Variants in GLIS3 observed in about 807,000 individuals in gnomAD.
GLIS3 encodes the protein GLIS family zinc finger 3, also known as zinc finger protein GLIS3.
A neutral mutation model predicts 78.6 loss-of-function variants in GLIS3; 53 were observed. The observed-to-expected ratio is 0.67, with a 90% CI of 0.54 to 0.85. The LOEUF (loss-of-function observed/expected upper bound fraction) is 0.85, where lower values mean the gene tolerates loss of function less well. GLIS3 is among the 40% of genes least tolerant of loss of function. The pLI is 0.00. For missense variants in GLIS3, 1,703 were observed against 1,231.1 expected (o/e 1.38, Z -5.74); for synonymous variants, 684 against 509.9 (o/e 1.34, Z -4.60).
intron 2 of GLIS3, among the ~76,000 whole-genome samples, chr9:4,261,497 T>A (rs1399568188): frequency 6.6e-6 from 1 of 152,036 alleles, no homozygotes; most frequent in African/African-American, 2.4e-5. Flanking sequence ...TATGGTAGAA[T>A]AAAACCAGGC....
chr9:4,276,504 GAGGGGAGGGA>G (rs1441274921), intron 2 of GLIS3, among the ~76,000 whole-genome samples: 3 of 42,546 alleles, frequency 7.1e-5, no homozygotes, highest in Non-Finnish European at 1.4e-4. Context: ...GAGGGAAGGG[GAGGGGAGGGA>G]AGGGAAGGGA....
chr9:4,110,210 C>T (rs1346020361), intron 4 of GLIS3, among the ~76,000 whole-genome samples: 1 of 152,068 alleles, frequency 6.6e-6, no homozygotes, highest in Non-Finnish European at 1.5e-5. Context: ...CTAATTTTTT[C>T]CAGGACAATC....
intron 4 of GLIS3, among the ~76,000 whole-genome samples, chr9:4,040,797 CTGTCAACTG>C (rs1824743910): frequency 6.6e-6 from 1 of 152,160 alleles, no homozygotes; most frequent in South Asian, 2.1e-4. Context: ...TCAAGTGGTG[CTGTCAACTG>C]GGTCAACTGG....
chr9:4,340,423 G>C (rs1439522120), intron 2 of GLIS3, among the ~76,000 whole-genome samples: 1 of 152,176 alleles, frequency 6.6e-6, no homozygotes, highest in African/African-American at 2.4e-5. Context: ...TCAATTCCAG[G>C]ATGAAACATT....
At chr9:4,281,189 G>T (rs1416989654) in intron 2 of GLIS3, among the ~76,000 whole-genome samples, 2 of 152,178 alleles carry the variant, frequency 1.3e-5, no homozygotes, top group Admixed American at 6.5e-5. Context: ...GCACTCTAGT[G>T]TTTCTCAAAT....
the GLIS3 span, among the ~76,000 whole-genome samples, chr9:4,402,006 G>A: frequency 6.6e-6 from 1 of 152,002 alleles, no homozygotes; most frequent in African/African-American, 2.4e-5. Context: ...AAGGTTTTTT[G>A]CTCCAATCCC....
the GLIS3 span, among the ~76,000 whole-genome samples, chr9:4,409,459 C>G: frequency 6.6e-6 from 1 of 152,142 alleles, no homozygotes; most frequent in Non-Finnish European, 1.5e-5. Flanking sequence ...CATCACCTTA[C>G]TAGTATACTT....
intron 4 of GLIS3, among the ~76,000 whole-genome samples, chr9:3,975,791 C>A (rs1056687372): frequency 6.6e-6 from 1 of 152,044 alleles, no homozygotes; most frequent in Non-Finnish European, 1.5e-5. Context: ...ATATAAAGAC[C>A]CCACAGAAAA....
At chr9:4,300,208 T>TCACACACA (rs35733770), upstream of GLIS3, among the ~76,000 whole-genome samples, 689 of 143,030 alleles carry the variant, frequency 4.8e-3, 3 homozygotes, top group African/African-American at 6.3e-3. Context: ...CTTGACGCAT[T>TCACACACA]CACACACACA....
At chr9:4,255,098 G>C (rs911840592) in intron 2 of GLIS3, among the ~76,000 whole-genome samples, 3 of 152,122 alleles carry the variant, frequency 2.0e-5, no homozygotes, top group South Asian at 2.1e-4. Context: ...TGTCACATAA[G>C]CATATGAGAA....
chr9:4,086,048 T>C (rs777441429), intron 4 of GLIS3, among the ~76,000 whole-genome samples: 9 of 152,272 alleles, frequency 5.9e-5, no homozygotes, highest in Non-Finnish European at 1.0e-4. Context: ...CTTTTAACCA[T>C]TTCTTTGTCC....
the GLIS3 span, among the ~76,000 whole-genome samples, chr9:4,359,424 T>C: frequency 6.6e-6 from 1 of 152,208 alleles, no homozygotes; most frequent in Admixed American, 6.5e-5. Context: ...GGCTTCTGCA[T>C]GCTATTTCTA....
chr9:4,293,428 A>T (rs1043604968), intron 1 of GLIS3, among the ~76,000 whole-genome samples: 2 of 152,232 alleles, frequency 1.3e-5, no homozygotes, highest in Non-Finnish European at 2.9e-5. Context: ...ATGTTCACTG[A>T]CATCACTGCG....
At chr9:4,457,329 C>A in the GLIS3 span, among the ~76,000 whole-genome samples, 2 of 151,492 alleles carry the variant, frequency 1.3e-5, no homozygotes, top group African/African-American at 2.4e-5. Context: ...CCACTGCACT[C>A]CAGCCTGGGC....
chr9:3,991,866 A>C (rs1373070609), intron 4 of GLIS3, among the ~76,000 whole-genome samples: 1 of 151,472 alleles, frequency 6.6e-6, no homozygotes. Context: ...AATTTTTTGT[A>C]TTTTTAGTAG....
intron 2 of GLIS3, among the ~76,000 whole-genome samples, chr9:4,181,581 T>G (rs535367864): frequency 2.0e-5 from 3 of 152,228 alleles, no homozygotes; most frequent in Admixed American, 6.5e-5. Flanking sequence ...TCTTTCCTTA[T>G]AGAAGCTAAA....
intron 2 of GLIS3, among the ~76,000 whole-genome samples, chr9:4,224,962 A>G (rs2131344054): frequency 6.6e-6 from 1 of 151,956 alleles, no homozygotes; most frequent in East Asian, 1.9e-4. Flanking sequence ...TTACTACAAT[A>G]TTTTTAAACT....
intron 6 of GLIS3, among the ~76,000 whole-genome samples, chr9:3,905,277 A>C (rs1238477778): frequency 6.6e-6 from 1 of 150,930 alleles, no homozygotes; most frequent in African/African-American, 2.4e-5. Context: ...GGCATGAGCC[A>C]CTGAGCCCCG....
intron 4 of GLIS3, among the ~76,000 whole-genome samples, chr9:4,010,274 C>T (rs1408262245): frequency 6.6e-6 from 1 of 152,116 alleles, no homozygotes; most frequent in Non-Finnish European, 1.5e-5. Flanking sequence ...ATAACCTTGG[C>T]CAAGTTATTC....
Sources: allele counts gnomAD v4.1 joint callset (sites outside exome capture counted in the v4.1 genomes callset), GRCh38; gene constraint gnomAD v4.1.1; transcripts MANE v1.5; gene names NCBI Gene and HGNC (gene_info 2026-07-23, HGNC 2026-07-21).